Variants in VAV3 observed in about 807,000 individuals in gnomAD.
VAV3 encodes the protein guanine nucleotide exchange factor VAV3.
A neutral mutation model predicts 131.2 loss-of-function variants in VAV3; 94 were observed. The observed-to-expected ratio is 0.72, with a 90% confidence interval of 0.61 to 0.85. The LOEUF (loss-of-function observed/expected upper bound fraction) is 0.85. Ranked by LOEUF, VAV3 falls within the 40% of genes least tolerant of loss-of-function variation. VAV3 has a pLI of 0.00. For synonymous variants in VAV3, 349 were observed against 342.0 expected (o/e 1.02, Z -0.22); for missense variants, 939 against 1,002.7 (o/e 0.94, Z 0.86).
chr1:107,743,570 C>T (rs889676048), intron 15 of VAV3, among the ~76,000 whole-genome samples: 2 of 152,074 alleles, frequency 1.3e-5, no homozygotes, highest in Non-Finnish European at 2.9e-5. Flanking sequence ...ATTGCAATGG[C>T]TCCCTCATTG....
chr1:107,901,957 C>A (rs569251479), intron 1 of VAV3, among the ~76,000 whole-genome samples: 2 of 151,924 alleles, frequency 1.3e-5, no homozygotes, highest in East Asian at 3.9e-4. Flanking sequence ...GGAGGAGAAT[C>A]GCTTGAACCC....
chr1:107,802,016 T>C (rs1427099866), intron 2 of VAV3, among the ~76,000 whole-genome samples: 1 of 152,124 alleles, frequency 6.6e-6, no homozygotes, highest in African/African-American at 2.4e-5. Context: ...TACATAGGTA[T>C]ACATGTGCCA....
intron 6 of VAV3, 23 bp downstream of exon 6, chr1:107,770,613 A>C: frequency 6.6e-7 from 1 of 1,519,902 alleles, no homozygotes; most frequent in Non-Finnish European, 9.1e-7. Context: ...TTTGGGCATC[A>C]AAAATAATAC....
At chr1:107,825,504 G>A (rs1472537935) in intron 2 of VAV3, among the ~76,000 whole-genome samples, 4 of 151,130 alleles carry the variant, frequency 2.6e-5, no homozygotes, top group Non-Finnish European at 4.4e-5. Context: ...AAATTTAAGA[G>A]GAAGGAAATG....
At chr1:107,695,428 A>G (rs1659684834) in intron 17 of VAV3, among the ~76,000 whole-genome samples, 1 of 152,130 alleles carries the variant, frequency 6.6e-6, no homozygotes, top group Non-Finnish European at 1.5e-5. Context: ...ACTTAGGAGG[A>G]GAGCTAAGAA....
chr1:107,646,870 T>C (rs1300388085), intron 19 of VAV3, among the ~76,000 whole-genome samples: 1 of 151,970 alleles, frequency 6.6e-6, no homozygotes, highest in Non-Finnish European at 1.5e-5. Context: ...CCCAAAACAA[T>C]ACAGAAGTGT....
At chr1:107,871,119 G>A (rs529590599) in intron 2 of VAV3, among the ~76,000 whole-genome samples, 7 of 152,090 alleles carry the variant, frequency 4.6e-5, no homozygotes, top group Admixed American at 6.6e-5. Context: ...AACGAACAAA[G>A]TTACAGATAC....
intron 15 of VAV3, among the ~76,000 whole-genome samples, chr1:107,713,338 G>C (rs1660898826): frequency 6.6e-6 from 1 of 151,654 alleles, no homozygotes. Flanking sequence ...TTTTCACTTA[G>C]AAAAACAAAC....
chr1:107,799,717 C>T (rs1666735189), intron 2 of VAV3, among the ~76,000 whole-genome samples: 1 of 152,124 alleles, frequency 6.6e-6, no homozygotes, highest in South Asian at 2.1e-4. Context: ...TATTCTCTTC[C>T]AGCCATCTTG....
At chr1:107,721,526 G>A (rs17019776) in intron 15 of VAV3, among the ~76,000 whole-genome samples, 12,920 of 152,204 alleles carry the variant, frequency 0.085, 710 homozygotes, top group Admixed American at 0.17. Context: ...GAAGAAAATG[G>A]GTGCTTGTAG....
At position 107,765,084 on chromosome 1, in the gene VAV3, T is replaced by G; in HGVS notation, c.913A>C (p.Lys305Gln). 6.2e-7 allele frequency: 1 copy of G among 1,611,900 alleles called. No homozygotes were observed. Among genetic ancestry groups the G allele is most frequent in the East Asian group, 2.2e-5 (1 of 44,824 alleles). Residue 305 changes from lysine (K) to glutamine (Q), a missense_variant, in exon 9 of 27, where the codon AAA (lysine) becomes CAA (glutamine). Transcript: ENST00000370056. ...TAAAAATAAATAGGCACCTCTAATT[T>G]CAGTTTGACATCTTCTTTTGTCTTA... ...ISKTKEDVKL[K>Q]LEECSKRANN...
chr1:107,674,711 C>T (rs1484025179), intron 19 of VAV3, among the ~76,000 whole-genome samples: 1 of 152,164 alleles, frequency 6.6e-6, no homozygotes, highest in African/African-American at 2.4e-5. Flanking sequence ...CTGAAAAACC[C>T]CAATGATCCT....
intron 2 of VAV3, among the ~76,000 whole-genome samples, chr1:107,851,613 C>CT (rs1209389231): frequency 2.0e-5 from 3 of 152,050 alleles, no homozygotes; most frequent in African/African-American, 7.2e-5. Flanking sequence ...CACAGGAAGT[C>CT]AAAGGGAAAC....
chr1:107,596,195 T>G lies in VAV3; in HGVS notation c.2350+17A>C, dbSNP rs1462256500. On this transcript the variant is annotated intron_variant, in intron 25 of 26. Transcript: ENST00000370056. Reference sequence around the variant, plus strand: ...TTTTAAGTGACAGCAAATTGTATTCTCAATTACAATACTTACAGCTGTTGC... The same window carrying G: ...TTTTAAGTGACAGCAAATTGTATTCGCAATTACAATACTTACAGCTGTTGC... 2 of 1,601,084 alleles carry G rather than the reference T, an allele frequency of 1.2e-6. No homozygotes were observed. The highest frequency in any genetic ancestry group is 2.7e-5 in the African/African-American group (2 of 74,250).
At chr1:107,681,266 A>G (rs1421911490) in intron 19 of VAV3, among the ~76,000 whole-genome samples, 1 of 152,196 alleles carries the variant, frequency 6.6e-6, no homozygotes, top group East Asian at 1.9e-4. Flanking sequence ...AGGAACTTCC[A>G]TGGTAGAAAT....
intron 19 of VAV3, among the ~76,000 whole-genome samples, chr1:107,667,597 T>C (rs1050152507): frequency 2.6e-5 from 4 of 151,642 alleles, no homozygotes; most frequent in Non-Finnish European, 5.9e-5. Flanking sequence ...AGGATTATTA[T>C]ACACACACAC....
intron 19 of VAV3, among the ~76,000 whole-genome samples, chr1:107,671,258 G>T (rs1003537602): frequency 1.3e-5 from 2 of 152,186 alleles, no homozygotes; most frequent in Non-Finnish European, 2.9e-5. Flanking sequence ...ATAAGAGGTA[G>T]CTATGATCAC....
rs72977619 is a variant in VAV3 at position 107,692,348 on chromosome 1, T to A, written c.1706-3942A>T. ...GGGCTCTAATAGGAATACAACCATA[T>A]AATAGATTCCAATTCACATTAATAA... On this transcript the variant is annotated intron_variant, in intron 17 of 26. Coordinates refer to ENST00000370056, the MANE Select transcript of VAV3 (RefSeq NM_006113.5). Among the ~76,000 whole-genome samples the A allele has an allele frequency of 3.2e-3, 482 of 152,264 alleles. 1 individual carries two copies. The highest frequency in any genetic ancestry group is 0.011 in the African/African-American group (453 of 41,552).
At chr1:107,954,508 C>A (rs1399128268) in intron 1 of VAV3, among the ~76,000 whole-genome samples, 2 of 150,860 alleles carry the variant, frequency 1.3e-5, no homozygotes, top group Non-Finnish European at 2.9e-5. Context: ...TGTATGAAAT[C>A]ATCCAGATTC....
Sources: gnomAD v4.1 joint callset for allele counts (sites outside exome capture counted in the v4.1 genomes callset) on GRCh38, gnomAD v4.1.1 for gene constraint, MANE v1.5 for transcripts, NCBI Gene and HGNC (gene_info 2026-07-23, HGNC 2026-07-21) for gene names.